Variants in SNRPN observed in about 807,000 individuals in gnomAD.
SNRPN encodes small nuclear ribonucleoprotein-associated protein N.
Under a neutral mutation model 25.2 loss-of-function variants are expected in SNRPN, and 7 were observed. The ratio of observed to expected loss-of-function variants is 0.28; its 90% CI spans 0.16 to 0.52. SNRPN has a LOEUF of 0.52. Ranked by LOEUF, SNRPN falls within the 20% of genes least tolerant of loss-of-function variation. SNRPN has a pLI of 0.96. For missense variants in SNRPN, 196 were observed against 322.5 expected (o/e 0.61, Z 3.00); for synonymous variants, 124 against 110.6 (o/e 1.12, Z -0.76).
chr15:24,977,038 C>T lies in SNRPN; in HGVS notation c.420+9C>T, dbSNP rs959867550. ...GGGGACCATCCCAGCAGGTGAGGAA[C>T]CAGCAGAGGGTTTTATATTATTGGG... is the stretch of plus-strand genomic sequence containing the variant. On this transcript the variant is annotated intron_variant, in intron 7 of 9. Coordinates refer to ENST00000390687, the MANE Select transcript of SNRPN (RefSeq NM_003097.6). 1.9e-6 allele frequency: 3 copies of T among 1,552,738 alleles called. No individual in the cohort carries two copies. The highest frequency in any genetic ancestry group is 2.2e-5 in the Admixed American group (1 of 45,664).
intron 1 of SNRPN, chr15:24,958,627 A>G (rs2074272338): frequency 6.6e-6 from 1 of 150,772 alleles, no homozygotes; most frequent in Admixed American, 6.7e-5. Flanking sequence ...GGCTGGCCCA[A>G]ATTCTCTTTT....
chr15:24,963,791 C>G (rs2075218613), intron 2 of SNRPN, among the ~76,000 whole-genome samples: 1 of 151,952 alleles, frequency 6.6e-6, no homozygotes. Flanking sequence ...CTAATCCCAG[C>G]ATGTTGGGAG....
chr15:24,878,854 ATTCT>A (rs1384922048), intron 1 of SNRPN, among the ~76,000 whole-genome samples: 2 of 151,944 alleles, frequency 1.3e-5, no homozygotes, highest in South Asian at 4.1e-4. Context: ...TGTCCTTAAG[ATTCT>A]TTATATATTC....
intron 1 of SNRPN, among the ~76,000 whole-genome samples, chr15:24,827,005 A>C (rs2050134999): frequency 6.6e-6 from 1 of 152,086 alleles, no homozygotes; most frequent in Non-Finnish European, 1.5e-5. Flanking sequence ...CGATGGTGTC[A>C]TATCCCATAT....
intron 2 of SNRPN, among the ~76,000 whole-genome samples, chr15:24,836,748 G>A (rs2051234789): frequency 6.6e-6 from 1 of 152,100 alleles, no homozygotes; most frequent in African/African-American, 2.4e-5. Context: ...TGTGACACAG[G>A]AGACTACGGA....
intron 2 of SNRPN, chr15:24,850,345 T>G (rs1230981276): frequency 3.9e-5 from 6 of 152,158 alleles, no homozygotes. Flanking sequence ...GAGTCTCTCT[T>G]TGTTGTCCAG....
chr15:24,897,284 A>G (rs1461125719), intron 2 of SNRPN, among the ~76,000 whole-genome samples: 4 of 152,202 alleles, frequency 2.6e-5, no homozygotes, highest in Admixed American at 1.3e-4. Context: ...ATATATTTAC[A>G]TTGTTGTAAA....
intron 1 of SNRPN, among the ~76,000 whole-genome samples, chr15:24,868,403 T>C (rs1272328555): frequency 6.6e-6 from 1 of 152,202 alleles, no homozygotes; most frequent in Non-Finnish European, 1.5e-5. Context: ...TTCTCCCACA[T>C]GGCAGAATGC....
intron 2 of SNRPN, among the ~76,000 whole-genome samples, chr15:24,918,563 AATATATATGTATATATATAACATAAT>A (rs2059729246): frequency 2.2e-5 from 2 of 89,476 alleles, no homozygotes; most frequent in Admixed American, 1.4e-4. Flanking sequence ...TATATAACAT[AATATATATGTATATATATAACATAAT>A]ATATATGTAT....
At chr15:24,900,077 G>C (rs563620792) in intron 2 of SNRPN, among the ~76,000 whole-genome samples, 2 of 152,290 alleles carry the variant, frequency 1.3e-5, no homozygotes, top group South Asian at 4.1e-4. Flanking sequence ...TTGTGGCAAA[G>C]TGCCAACTGA....
chr15:24,839,000 G>A (rs2142925281), intron 2 of SNRPN, among the ~76,000 whole-genome samples: 1 of 152,090 alleles, frequency 6.6e-6, no homozygotes, highest in Admixed American at 6.5e-5. Flanking sequence ...AAAAAGAATG[G>A]TAGGGAACAC....
intron 2 of SNRPN, among the ~76,000 whole-genome samples, chr15:24,910,615 C>G (rs2059151710): frequency 6.6e-6 from 1 of 152,078 alleles, no homozygotes. Flanking sequence ...CTGACTCAGC[C>G]TCCTGAGCAG....
At chr15:24,868,805 G>A (rs2054829369) in intron 1 of SNRPN, among the ~76,000 whole-genome samples, 1 of 152,120 alleles carries the variant, frequency 6.6e-6, no homozygotes, top group African/African-American at 2.4e-5. Flanking sequence ...ACATGTATGT[G>A]GGTGTTAAGA....
At chr15:24,897,804 C>T (rs754712591) in intron 2 of SNRPN, among the ~76,000 whole-genome samples, 1 of 152,154 alleles carries the variant, frequency 6.6e-6, no homozygotes, top group African/African-American at 2.4e-5. Context: ...TTTGCTTCTC[C>T]TTTGCTTTCC....
chr15:24,939,941 C>T (rs1566934586), intron 3 of SNRPN, among the ~76,000 whole-genome samples: 1 of 151,950 alleles, frequency 6.6e-6, no homozygotes, highest in Non-Finnish European at 1.5e-5. Context: ...AGACGTGTAC[C>T]ACCATGCCCA....
In SNRPN at chr15:24,834,751, C is replaced by CTCTCTCTCTCTCTCTCTATA; in HGVS notation, c.-579+4847_-579+4848insCTCTCTCTCTCTCTCTATAT. Among the ~76,000 whole-genome samples the CTCTCTCTCTCTCTCTCTATA allele has an allele frequency of 4.6e-3, 281 of 60,904 alleles. 2 individuals are homozygous for CTCTCTCTCTCTCTCTCTATA. Among genetic ancestry groups the CTCTCTCTCTCTCTCTCTATA allele is most frequent in the Non-Finnish European group, 7.2e-3 (216 of 30,202 alleles). 40.0% of individuals were successfully genotyped at this position (60,904 alleles called of 152,430 possible). A position where few individuals can be genotyped will look rare whatever the true frequency, so the allele number is the denominator to read the frequency against. On this transcript the variant is annotated intron_variant, in intron 2 of 12. Transcript: ENST00000400100. ...TCCCTCTCTCTCTCTCTCTCTCTCT[C>CTCTCTCTCTCTCTCTCTATA]TATATATATATATATATATATATAT...
intron 4 of SNRPN, 183 bp downstream of exon 4, chr15:24,974,639 C>T (rs1338860639): frequency 1.5e-5 from 10 of 669,118 alleles, no homozygotes; most frequent in Non-Finnish European, 2.4e-5. Context: ...TTATTTTTTT[C>T]AGACGGGGTC....
chr15:24,862,598 C>G (rs1423541666), intron 1 of SNRPN, among the ~76,000 whole-genome samples: 3 of 151,052 alleles, frequency 2.0e-5, no homozygotes, highest in Non-Finnish European at 4.4e-5. Flanking sequence ...GTGTGGGGCT[C>G]ACAGGGGAAC....
At chr15:24,841,721 C>T (rs1165040713) in intron 2 of SNRPN, among the ~76,000 whole-genome samples, 1 of 152,176 alleles carries the variant, frequency 6.6e-6, no homozygotes, top group East Asian at 1.9e-4. Flanking sequence ...CGTAAGATTT[C>T]CCTGGTCTTC....
Sources: gnomAD v4.1 joint callset for allele counts (sites outside exome capture counted in the v4.1 genomes callset) on GRCh38, gnomAD v4.1.1 for gene constraint, MANE v1.5 for transcripts, NCBI Gene and HGNC (gene_info 2026-07-23, HGNC 2026-07-21) for gene names.